Variants in THSD7B observed in about 807,000 individuals in gnomAD.
THSD7B encodes the protein thrombospondin type-1 domain-containing protein 7B.
A neutral mutation model predicts 213.6 loss-of-function variants in THSD7B; 138 were observed. The ratio of observed to expected loss-of-function variants is 0.65; its 90% CI spans 0.56 to 0.74. The LOEUF (loss-of-function observed/expected upper bound fraction) is 0.74. THSD7B is among the 30% of genes least tolerant of loss of function. THSD7B has a pLI of 0.00. For missense variants in THSD7B, 1,931 were observed against 1,991.5 expected (o/e 0.97, Z 0.58); for synonymous variants, 742 against 687.0 (o/e 1.08, Z -1.25).
At chr2:137,221,016 C>A (rs1401152207) in intron 7 of THSD7B, among the ~76,000 whole-genome samples, 1 of 152,036 alleles carries the variant, frequency 6.6e-6, no homozygotes, top group East Asian at 1.9e-4. Flanking sequence ...CTCAGTCGTT[C>A]CGAAAAGTTA....
chr2:137,168,514 C>T (rs1428283250), intron 6 of THSD7B, among the ~76,000 whole-genome samples: 4 of 152,102 alleles, frequency 2.6e-5, no homozygotes, highest in Non-Finnish European at 5.9e-5. Flanking sequence ...AGGACAAGGG[C>T]AGCACAAATG....
chr2:136,965,262 C>T (rs924280171), intron 2 of THSD7B, among the ~76,000 whole-genome samples: 1 of 152,134 alleles, frequency 6.6e-6, no homozygotes, highest in African/African-American at 2.4e-5. Flanking sequence ...GGCACTGGAG[C>T]TCAGAACAAA....
intron 5 of THSD7B, among the ~76,000 whole-genome samples, chr2:137,144,288 C>A (rs982781342): frequency 1.3e-5 from 2 of 152,072 alleles, no homozygotes; most frequent in South Asian, 2.1e-4. Context: ...AATTTTAAGG[C>A]CATTTCATAC....
chr2:137,348,884 A>C (rs1684942128), intron 12 of THSD7B, among the ~76,000 whole-genome samples: 2 of 151,350 alleles, frequency 1.3e-5, no homozygotes, highest in African/African-American at 4.8e-5. Flanking sequence ...ATATACCTGG[A>C]TGACAGGAGG....
rs1004720815 is a variant in THSD7B at position 137,450,780 on chromosome 2, A to G, written c.2960-65A>G. 3 of 1,228,094 alleles carry G rather than the reference A, an allele frequency of 2.4e-6. No individual in the cohort carries two copies. The Admixed American group carries it at 8.2e-5, about 33-fold the overall frequency. 76.1% of individuals were successfully genotyped at this position (1,228,094 alleles called of 1,614,324 possible). On this transcript the variant is annotated intron_variant, in intron 14 of 27. Coordinates refer to ENST00000409968, the MANE Select transcript of THSD7B (RefSeq NM_001316349.2). ...AAAAATCCAAACTGTGATCATGGAA[A>G]TAGAAAGTGAATTTGATCAGTACAT...
In THSD7B at chr2:137,035,251, C is replaced by T. The variant is rs189119629; in HGVS notation, c.140-21169C>T. Among the ~76,000 whole-genome samples the T allele has an allele frequency of 5.3e-5, 8 of 152,298 alleles. No individual in the cohort carries two copies. In the East Asian group the frequency reaches 1.5e-3, roughly 29 times the overall value. On this transcript the variant is annotated intron_variant, in intron 2 of 27. Transcript: ENST00000409968. ...CTAACAGCCATTTAACCATACCCAT[C>T]TCTTTTCTCATTTTACTTGACTAGA...
intron 15 of THSD7B, among the ~76,000 whole-genome samples, chr2:137,511,660 C>T (rs1480691439): frequency 6.6e-6 from 1 of 152,124 alleles, no homozygotes; most frequent in Non-Finnish European, 1.5e-5. Flanking sequence ...TTACTGGCCC[C>T]ATGCAGTAAG....
intron 5 of THSD7B, among the ~76,000 whole-genome samples, chr2:137,135,021 A>T (rs1285636281): frequency 6.6e-6 from 1 of 152,170 alleles, no homozygotes; most frequent in Non-Finnish European, 1.5e-5. Flanking sequence ...TGAGCCTAAG[A>T]TAAGGCTGAT....
rs187653664 is a variant in THSD7B, at chr2:137,203,599, A to G, written c.1724-27445A>G. On this transcript the variant is annotated intron_variant, in intron 7 of 27. Coordinates refer to ENST00000409968, the MANE Select transcript of THSD7B (RefSeq NM_001316349.2). Reference sequence around the variant, plus strand: ...AAAAAAACCTTTTTTTATTTTATTAATAGGTATAAGTGTAATTTATTAGTA... The same window carrying G: ...AAAAAAACCTTTTTTTATTTTATTAGTAGGTATAAGTGTAATTTATTAGTA... Among the ~76,000 whole-genome samples, 501 of 152,040 alleles carry G rather than the reference A, an allele frequency of 3.3e-3. 3 individuals are homozygous for G. The highest frequency in any genetic ancestry group is 0.011 in the African/African-American group (465 of 41,492).
At chr2:137,066,666 G>C (rs1573799791) in intron 3 of THSD7B, among the ~76,000 whole-genome samples, 1 of 152,044 alleles carries the variant, frequency 6.6e-6, no homozygotes, top group South Asian at 2.1e-4. Flanking sequence ...GGTATGCTTG[G>C]ACGTGGATAT....
intron 2 of THSD7B, among the ~76,000 whole-genome samples, chr2:137,023,839 CATA>C (rs1051758146): frequency 1.4e-4 from 22 of 151,818 alleles, no homozygotes; most frequent in African/African-American, 5.3e-4. Context: ...GAGCCACCTA[CATA>C]ATAAGAGATT....
intron 1 of THSD7B, among the ~76,000 whole-genome samples, chr2:136,805,478 C>T (rs775090882): frequency 2.0e-5 from 3 of 152,178 alleles, no homozygotes; most frequent in Non-Finnish European, 4.4e-5. Context: ...TGAGAATGGA[C>T]CTTCTAAGCC....
chr2:137,465,088 CA>C (rs1687965653), intron 15 of THSD7B, among the ~76,000 whole-genome samples: 1 of 152,024 alleles, frequency 6.6e-6, no homozygotes, highest in Non-Finnish European at 1.5e-5. Flanking sequence ...AACAATCCTA[CA>C]AGGAGCCTTT....
chr2:137,661,119 T>C (rs1163334218), intron 25 of THSD7B, among the ~76,000 whole-genome samples: 1 of 152,158 alleles, frequency 6.6e-6, no homozygotes, highest in Non-Finnish European at 1.5e-5. Context: ...GTCATAGAGA[T>C]TCATAATCTT....
intron 7 of THSD7B, among the ~76,000 whole-genome samples, chr2:137,211,773 A>G (rs1472706613): frequency 6.6e-6 from 1 of 152,084 alleles, no homozygotes; most frequent in African/African-American, 2.4e-5. Context: ...TGTCACTGCA[A>G]TTATGATTGT....
chr2:137,471,897 G>A (rs1207338376), intron 15 of THSD7B, among the ~76,000 whole-genome samples: 1 of 152,150 alleles, frequency 6.6e-6, no homozygotes, highest in Non-Finnish European at 1.5e-5. Flanking sequence ...AACTTGTTCT[G>A]TTGTTTTCTT....
At chr2:137,431,256 C>T (rs1687180729) in intron 14 of THSD7B, among the ~76,000 whole-genome samples, 1 of 152,048 alleles carries the variant, frequency 6.6e-6, no homozygotes, top group African/African-American at 2.4e-5. Flanking sequence ...TAAATTTAAA[C>T]ATTTTATGGT....
chr2:137,094,252 T>A (rs536273394), intron 3 of THSD7B, among the ~76,000 whole-genome samples: 1 of 152,124 alleles, frequency 6.6e-6, no homozygotes, highest in South Asian at 2.1e-4. Context: ...TCCATGGTAA[T>A]AGTAGGCTAA....
intron 15 of THSD7B, chr2:137,538,612 C>A: frequency 2.5e-6 from 1 of 401,406 alleles, no homozygotes; most frequent in Non-Finnish European, 4.8e-6. Context: ...AAACATTGTT[C>A]ACATATGACA....
Sources: gnomAD v4.1 joint callset for allele counts (sites outside exome capture counted in the v4.1 genomes callset) on GRCh38, gnomAD v4.1.1 for gene constraint, MANE v1.5 for transcripts, NCBI Gene and HGNC (gene_info 2026-07-23, HGNC 2026-07-21) for gene names.